The following PTK2 variants were observed in gnomAD, a reference collection of about 807,000 sequenced individuals.
The protein encoded by PTK2 is focal adhesion kinase 1.
In PTK2, 45 loss-of-function variants were observed where a neutral mutation model predicts 150.1. The ratio of observed to expected loss-of-function variants is 0.30; its 90% CI spans 0.24 to 0.38. PTK2 has a LOEUF of 0.38. Ranked by LOEUF, PTK2 falls within the 10% of genes least tolerant of loss-of-function variation. The pLI is 1.00. For synonymous variants in PTK2, 432 were observed against 449.2 expected, an observed-to-expected ratio of 0.96 and a Z score of 0.48; for missense variants, 919 against 1,307.3, an observed-to-expected ratio of 0.70 and a Z score of 4.58.
chr8:140,674,511 G>T (rs527842825), intron 28 of PTK2, 107 bp from the exon 32 acceptor site: 7 of 960,652 alleles, frequency 7.3e-6, no homozygotes, highest in East Asian at 2.7e-5. Context: ...AGGCTGAAGC[G>T]GGCAGATCAC....
chr8:140,806,324 T>G (rs951303819), intron 10 of PTK2, among the ~76,000 whole-genome samples: 1 of 152,208 alleles, frequency 6.6e-6, no homozygotes, highest in South Asian at 2.1e-4. Flanking sequence ...AGGGCAAGAC[T>G]TGCTATAGTT....
At chr8:140,771,658 T>A (rs1316935299) in intron 14 of PTK2, among the ~76,000 whole-genome samples, 1 of 152,210 alleles carries the variant, frequency 6.6e-6, no homozygotes, top group Admixed American at 6.5e-5. Flanking sequence ...GGGTCAGGAC[T>A]GTTTGCCCAT....
intron 27 of PTK2, among the ~76,000 whole-genome samples, chr8:140,681,282 A>G (rs993291957): frequency 1.5e-4 from 22 of 151,164 alleles, no homozygotes; most frequent in African/African-American, 5.4e-4. Context: ...GAGCCCGGTA[A>G]GCAGAAGATG....
In PTK2 at chr8:140,977,146, T is replaced by C. The variant is rs572652504; in HGVS notation, c.-122+23979A>G. Among the ~76,000 whole-genome samples the C allele has an allele frequency of 2.0e-4, 31 of 152,254 alleles. No individual in the cohort carries two copies. In the South Asian group the frequency reaches 6.2e-3, roughly 31 times the overall value. ...GGCTCCTGCCTGTAAATCCAGCACTTTGGGAGGCCAAGGCGGGAAGACTGC... is the reference window on the plus strand; with the variant it reads ...GGCTCCTGCCTGTAAATCCAGCACTCTGGGAGGCCAAGGCGGGAAGACTGC... On this transcript the variant is annotated intron_variant, in intron 1 of 31. Transcript: ENST00000522684.
chr8:140,876,659 TTC>T (rs1181146493), intron 4 of PTK2, among the ~76,000 whole-genome samples: 1 of 152,204 alleles, frequency 6.6e-6, no homozygotes, highest in Admixed American at 6.5e-5. Context: ...CTTCTTGAGT[TTC>T]TGTTAGAAAT....
At chr8:140,820,306 G>A (rs931091019) in intron 8 of PTK2, among the ~76,000 whole-genome samples, 1 of 151,188 alleles carries the variant, frequency 6.6e-6, no homozygotes, top group African/African-American at 2.4e-5. Context: ...TCATCATGTT[G>A]GCCAGGCTGG....
chr8:140,894,274 G>C (rs2100155233), intron 2 of PTK2, among the ~76,000 whole-genome samples: 1 of 152,152 alleles, frequency 6.6e-6, no homozygotes, highest in African/African-American at 2.4e-5. Flanking sequence ...GCCCTCACCA[G>C]AACTCCACCA....
chr8:140,858,760 T>C (rs1447130105), intron 5 of PTK2, among the ~76,000 whole-genome samples: 2 of 152,216 alleles, frequency 1.3e-5, no homozygotes, highest in Non-Finnish European at 2.9e-5. Flanking sequence ...TTATTGAGCC[T>C]GTGCCAAACA....
chr8:141,001,022 C>T (rs1368259870), intron 1 of PTK2, 103 bp downstream of exon 1: 8 of 151,666 alleles, frequency 5.3e-5, no homozygotes, highest in East Asian at 2.0e-4. Context: ...CGGCCCCGCT[C>T]TGCCCCTCCG....
chr8:140,834,373 G>A (rs1184062134), intron 7 of PTK2, among the ~76,000 whole-genome samples: 2 of 152,218 alleles, frequency 1.3e-5, no homozygotes, highest in Non-Finnish European at 2.9e-5. Flanking sequence ...TGACAATGCA[G>A]AAGGCAGCAG....
chr8:140,681,860 T>G (rs1372023797), intron 27 of PTK2, among the ~76,000 whole-genome samples: 1 of 152,252 alleles, frequency 6.6e-6, no homozygotes, highest in Non-Finnish European at 1.5e-5. Flanking sequence ...GGCTTTAACC[T>G]ATTTATGCTG....
chr8:140,854,983 A>G (rs1326572264), intron 5 of PTK2, among the ~76,000 whole-genome samples: 1 of 152,172 alleles, frequency 6.6e-6, no homozygotes, highest in African/African-American at 2.4e-5. Flanking sequence ...ATATATATGT[A>G]TGTATAAAAT....
At chr8:140,669,892 A>T (rs763391045) in intron 29 of PTK2, 157 bp from the exon 33 acceptor site, 11 of 808,484 alleles carry the variant, frequency 1.4e-5, no homozygotes, top group African/African-American at 1.7e-5. Context: ...ACCAGCTCTC[A>T]CTCACTGTTG....
intron 23 of PTK2, among the ~76,000 whole-genome samples, chr8:140,713,488 C>T (rs553080840): frequency 1.5e-4 from 23 of 152,298 alleles, no homozygotes; most frequent in African/African-American, 4.8e-4. Flanking sequence ...GTCTCGAACT[C>T]CTGGCCTCAA....
At chr8:140,823,947 C>A (rs1270752491) in intron 8 of PTK2, among the ~76,000 whole-genome samples, 1 of 152,218 alleles carries the variant, frequency 6.6e-6, no homozygotes, top group East Asian at 1.9e-4. Context: ...CCTCTGCCTC[C>A]TTTAAATTCA....
chr8:140,927,165 A>G (rs1354308587), intron 1 of PTK2, among the ~76,000 whole-genome samples: 3 of 152,220 alleles, frequency 2.0e-5, no homozygotes, highest in Admixed American at 1.3e-4. Context: ...TATTGCTTAT[A>G]CTGACCATAA....
chr8:140,832,899 C>T (rs780376761), intron 7 of PTK2: 5 of 518,994 alleles, frequency 9.6e-6, no homozygotes, highest in Middle Eastern at 3.2e-4. Flanking sequence ...ACACACACGT[C>T]AGTATTTGGG....
chr8:140,803,904 TAC>T (rs1321880465), intron 10 of PTK2, among the ~76,000 whole-genome samples: 1 of 151,978 alleles, frequency 6.6e-6, no homozygotes, highest in African/African-American at 2.4e-5. Flanking sequence ...TGAGTGAGAG[TAC>T]AGTTACCACT....
At chr8:140,997,096 T>C (rs1169450798) in intron 1 of PTK2, among the ~76,000 whole-genome samples, 1 of 152,206 alleles carries the variant, frequency 6.6e-6, no homozygotes, top group African/African-American at 2.4e-5. Context: ...TGGATAACTC[T>C]GAGGGATTCA....
Sources: allele counts gnomAD v4.1 joint callset (sites outside exome capture counted in the v4.1 genomes callset), GRCh38; gene constraint gnomAD v4.1.1; transcripts MANE v1.5; gene names NCBI Gene and HGNC (gene_info 2026-07-23, HGNC 2026-07-21).